Variants in RASAL3 observed in about 807,000 individuals in gnomAD.
The protein encoded by RASAL3 is RAS protein activator like 3, also known as RAS protein activator like-3.
A neutral mutation model predicts 105.5 loss-of-function variants in RASAL3; 74 were observed. The ratio of observed to expected loss-of-function variants is 0.70; its 90% confidence interval spans 0.58 to 0.85. RASAL3 has a LOEUF of 0.85. Ranked by LOEUF, RASAL3 falls within the 40% of genes least tolerant of loss-of-function variation. The probability of loss-of-function intolerance (pLI) is 0.00; values close to 1 mark genes in which losing one functional copy is unlikely to be tolerated. For missense variants in RASAL3, 1,352 were observed against 1,392.0 expected (o/e 0.97, Z 0.46); for synonymous variants, 579 against 591.6 (o/e 0.98, Z 0.31).
At position 15,454,244 on chromosome 19, in the gene RASAL3, T is replaced by C. The variant is rs61742032; in HGVS notation, c.2184A>G (p.Pro728=). 4,198 of 1,565,760 alleles carry C rather than the reference T, an allele frequency of 2.7e-3. 96 individuals carry two copies. The African/African-American group carries it at 0.048, about 18-fold the overall frequency. ...CAATGGCTCGCAGGATGGTGGGCAGTGGTTCCAGGGTGTCTCGGGTTGTCT... is the reference window on the plus strand; with the variant it reads ...CAATGGCTCGCAGGATGGTGGGCAGCGGTTCCAGGGTGTCTCGGGTTGTCT... ...LDQTTRDTLE[P]LPTILRAIEE... The change falls in exon 14 of 18, where the codon CCA becomes CCG. Residue 728 remains proline (P), a synonymous_variant. Transcript: ENST00000343625.
rs375290122 is a variant in RASAL3 at position 15,457,025 on chromosome 19, C to T, written c.1431+267G>A. The T allele has an allele frequency of 2.0e-4, 86 of 423,498 alleles. 2 individuals carry two copies. In the East Asian group the frequency reaches 2.6e-3, roughly 13 times the overall value. The allele number at this position is 423,498 out of a possible 1,614,324, so 26.2% of individuals were successfully genotyped here. ...CCCGCCCCTTACAGGTGCAGCTCAG[C>T]CCCAGCCCCTCACAGCTGACGCTCA... On this transcript the variant is annotated intron_variant, in intron 9 of 17. Transcript: ENST00000343625. This position sits in a 1 kb window ranked among gnomAD's most constrained non-coding sequence, Gnocchi z 8.6.
chr19:15,452,514 G>A (rs891862259), intron 16 of RASAL3, 144 bp downstream of exon 16: 4 of 744,616 alleles, frequency 5.4e-6, no homozygotes, highest in Non-Finnish European at 4.2e-6. Context: ...CCAAGAGGCA[G>A]GGCCTGGACA....
chr19:15,453,945 C>T lies in RASAL3; in HGVS notation c.2279+204G>A, dbSNP rs771823898. On this transcript the variant is annotated intron_variant, in intron 14 of 17. Coordinates refer to ENST00000343625, the MANE Select transcript of RASAL3 (RefSeq NM_022904.3). This position sits in a 1 kb window ranked among gnomAD's most constrained non-coding sequence, Gnocchi z 4.2. Reference sequence around the variant, plus strand: ...ATACTGTCCTCTCTATGACCCTTGACATCTCTCCACCCTAACCTCTCCTCT... The same window carrying T: ...ATACTGTCCTCTCTATGACCCTTGATATCTCTCCACCCTAACCTCTCCTCT... Among the ~76,000 whole-genome samples the T allele has an allele frequency of 2.6e-5, 4 of 152,142 alleles. No individual in the cohort carries two copies. Among genetic ancestry groups the T allele is most frequent in the Non-Finnish European group, 5.9e-5 (4 of 68,032 alleles).
chr19:15,456,839 A>C lies in RASAL3; in HGVS notation c.1432-193T>G. 1 of 695,616 alleles carries C rather than the reference A, an allele frequency of 1.4e-6. No homozygotes were observed. The highest frequency in any genetic ancestry group is 2.4e-6 in the Non-Finnish European group (1 of 424,990). 43.1% of individuals were successfully genotyped at this position (695,616 alleles called of 1,614,324 possible). A position where few individuals can be genotyped will look rare whatever the true frequency, so the allele number is the denominator to read the frequency against. ...CTCACAGCAGAAATTTAAGCCTTTC[A>C]GCGCTGAGGTGCAACCTGGGCCCCG... On this transcript the variant is annotated intron_variant, in intron 9 of 17. Transcript: ENST00000343625. This position sits in a 1 kb window ranked among gnomAD's most constrained non-coding sequence, Gnocchi z 4.4.
chr19:15,452,653 C>T lies in RASAL3; in HGVS notation c.2828+5G>A. The T allele has an allele frequency of 1.9e-6, 3 of 1,539,290 alleles. No individual in the cohort carries two copies. Among genetic ancestry groups the T allele is most frequent in the Non-Finnish European group, 2.6e-6 (3 of 1,141,096 alleles). ...GGCGGAGCTAATGGAGAGGGCTGGGCTCACCCAGCACGGAGCCTGGAGTCC... is the reference window on the plus strand; with the variant it reads ...GGCGGAGCTAATGGAGAGGGCTGGGTTCACCCAGCACGGAGCCTGGAGTCC... On this transcript the variant is annotated splice_donor_5th_base_variant and intron_variant, in intron 16 of 17. Coordinates refer to ENST00000343625, the MANE Select transcript of RASAL3 (RefSeq NM_022904.3).
In RASAL3 at chr19:15,458,541, G is replaced by A; in HGVS notation, c.777C>T (p.Pro259=). ...TGTCTACACTTACCTGAAAGCAGTG[G>A]GGCTCCCCCAGGAGGCTGGGGTGCA... is the stretch of plus-strand genomic sequence containing the variant. ...WPLHPSLLGE[P]HCFQVTWTGG... The change falls in exon 7 of 18, where the codon CCC becomes CCT. Residue 259 remains proline (P), a synonymous_variant. Coordinates refer to ENST00000343625, the MANE Select transcript of RASAL3 (RefSeq NM_022904.3). The A allele has an allele frequency of 6.2e-7, 1 of 1,613,834 alleles. No homozygotes were observed. The highest frequency in any genetic ancestry group is 8.5e-7 in the Non-Finnish European group (1 of 1,179,806).
In RASAL3 at chr19:15,464,363, G is replaced by GC; in HGVS notation, c.-6_-5insG. 7.5e-6 allele frequency: 2 copies of GC among 267,486 alleles called. No individual in the cohort carries two copies. Among genetic ancestry groups the GC allele is most frequent in the Non-Finnish European group, 1.0e-5 (2 of 194,512 alleles). 16.6% of individuals were successfully genotyped at this position (267,486 alleles called of 1,614,324 possible). A position where few individuals can be genotyped will look rare whatever the true frequency, so the allele number is the denominator to read the frequency against. On this transcript the variant is annotated 5_prime_UTR_variant, in exon 2 of 18. Transcript: ENST00000343625. ...GCTTGGCGACGGTGGGTCCATGGTT[G>GC]GGGGGGGGGGTCTCCTGGGGGACGA...
At chr19:15,463,142 G>A (rs978806211) in intron 2 of RASAL3, among the ~76,000 whole-genome samples, 3 of 149,646 alleles carry the variant, frequency 2.0e-5, no homozygotes, top group African/African-American at 7.4e-5. Flanking sequence ...CGGGAGTGCA[G>A]TAGTGCAATC....
chr19:15,457,663 G>A lies in RASAL3; in HGVS notation c.1060C>T (p.Arg354Cys), dbSNP rs1376327525. ...GGTGGCAGCGCCTCGAAGTGGAAGC[G>A]CTCGGCCCAGAAGAGCTGGCCTGGG... ...AGPGQLFWAE[R>C]FHFEALPPAR... The change falls in exon 9 of 18, where the codon CGC becomes TGC. Residue 354 changes from arginine to cysteine, a missense_variant. Around this residue, in one of 3 missense-constraint regions of RASAL3, gnomAD observed 920 missense variants for 919.6 expected, o/e 1.00. Coordinates refer to ENST00000343625, the MANE Select transcript of RASAL3 (RefSeq NM_022904.3). The surrounding 1 kb of genome is among the most constrained non-coding windows in gnomAD (Gnocchi z 8.6). 7.0e-7 allele frequency: 1 copy of A among 1,434,818 alleles called. No individual in the cohort carries two copies. Among genetic ancestry groups the A allele is most frequent in the Non-Finnish European group, 9.1e-7 (1 of 1,095,364 alleles). 88.9% of individuals were successfully genotyped at this position (1,434,818 alleles called of 1,614,324 possible). A position where few individuals can be genotyped will look rare whatever the true frequency, so the allele number is the denominator to read the frequency against.
rs1491536740 is a variant in RASAL3 at position 15,452,574 on chromosome 19, TTG to T, written c.2828+82_2828+83del. ...GGGGCTTGGCCGTGCTAGGCGTGGT[TTG>T]GGGGGGGGGGGGAGGGCCTGGTCAG... On this transcript the variant is annotated intron_variant, in intron 16 of 17. Transcript: ENST00000343625. The T allele has an allele frequency of 5.7e-5, 46 of 801,486 alleles. No homozygotes were observed. The Middle Eastern group carries it at 1.3e-3, about 22-fold the overall frequency. The allele number at this position is 801,486 out of a possible 1,614,324, so 49.6% of individuals were successfully genotyped here.
At position 15,454,841 on chromosome 19, in the gene RASAL3, T is replaced by TA; in HGVS notation, c.1773dup (p.Lys592Ter). 6.3e-7 allele frequency: 1 copy of TA among 1,582,170 alleles called. No individual in the cohort carries two copies. Among genetic ancestry groups the TA allele is most frequent in the South Asian group, 1.2e-5 (1 of 86,672 alleles). On this transcript the variant is annotated frameshift_variant, in exon 12 of 18. Transcript: ENST00000343625. LOFTEE classifies it high-confidence loss of function. ...CCCAGCACCTCAGAGCCACGTTCTTTACATGCTTCTCGCCAGCTTGAGAAC... is the reference window on the plus strand; with the variant it reads ...CCCAGCACCTCAGAGCCACGTTCTTTAACATGCTTCTCGCCAGCTTGAGAAC...
In RASAL3 at chr19:15,464,186, C is replaced by T; in HGVS notation, c.173G>A (p.Ser58Asn). Reference sequence around the variant, plus strand: ...TATCGAGCGAGGGGCTGGCTGGGTGCTGACCATGGGCTCCTGGTGGCTCAG... The same window carrying T: ...TATCGAGCGAGGGGCTGGCTGGGTGTTGACCATGGGCTCCTGGTGGCTCAG... ...RALSHQEPMV[S>N]TQPAPRSIFR... Residue 58 changes from serine to asparagine, a missense_variant, in exon 2 of 18, where the codon AGC becomes AAC. Around this residue, in one of 3 missense-constraint regions of RASAL3, gnomAD observed 344 missense variants for 339.6 expected, o/e 1.01. Transcript: ENST00000343625. 6.2e-7 allele frequency: 1 copy of T among 1,612,406 alleles called. No homozygotes were observed. The highest frequency in any genetic ancestry group is 8.5e-7 in the Non-Finnish European group (1 of 1,179,598).
chr19:15,462,728 G>A (rs1443054220), intron 2 of RASAL3, among the ~76,000 whole-genome samples: 2 of 152,140 alleles, frequency 1.3e-5, no homozygotes, highest in Admixed American at 6.5e-5. Context: ...TGAGGCGGGC[G>A]GATCATGAGG....
intron 2 of RASAL3, among the ~76,000 whole-genome samples, chr19:15,462,748 C>T (rs539451296): frequency 2.0e-4 from 31 of 152,068 alleles, no homozygotes; most frequent in Non-Finnish European, 2.9e-4. Context: ...GTCAGGAGAT[C>T]GAGACCATTC....
In RASAL3 at chr19:15,461,232, T is replaced by C. The variant is rs1970498569; in HGVS notation, c.530A>G (p.Asn177Ser). The change falls in exon 4 of 18, where the codon AAC becomes AGC. Residue 177 changes from asparagine (N) to serine (S), a missense_variant. This residue lies in a region of RASAL3 where 344 missense variants were observed against 339.6 expected (regional missense o/e 1.01). Transcript: ENST00000343625. The stretch of plus-strand genomic sequence containing the variant: ...CTCAAGCTTACCTGGATCCCTGAAG[T>C]TCCCCATGGCCACGTGGATGCTGCC... ...SEGSIHVAMGNFRDPDRMPGK... is the reference protein window; with the variant it reads ...SEGSIHVAMGSFRDPDRMPGK... The C allele has an allele frequency of 6.2e-7, 1 of 1,613,718 alleles. No individual in the cohort carries two copies. The highest frequency in any genetic ancestry group is 1.1e-5 in the South Asian group (1 of 91,082).
Position 15,464,179 on chromosome 19 carries a change from C to T in RASAL3, c.180G>A (p.Gln60=). The T allele has an allele frequency of 6.2e-7, 1 of 1,612,818 alleles. No individual in the cohort carries two copies. Among genetic ancestry groups the T allele is most frequent in the South Asian group, 1.1e-5 (1 of 90,986 alleles). ...GACGGAATATCGAGCGAGGGGCTGGCTGGGTGCTGACCATGGGCTCCTGGT... is the reference window on the plus strand; with the variant it reads ...GACGGAATATCGAGCGAGGGGCTGGTTGGGTGCTGACCATGGGCTCCTGGT... ...LSHQEPMVST[Q]PAPRSIFRRV... Residue 60 remains glutamine, a synonymous_variant, in exon 2 of 18, where the codon CAG becomes CAA. Transcript: ENST00000343625.
rs952308863 is a variant in RASAL3, at chr19:15,461,726, C to T, written c.329-119G>A. ...CCTAGGTGCCCCCCACCCCAGCAGCCGTATCAGACTGTATGACCTTGGGCA... is the reference window on the plus strand; with the variant it reads ...CCTAGGTGCCCCCCACCCCAGCAGCTGTATCAGACTGTATGACCTTGGGCA... On this transcript the variant is annotated intron_variant, in intron 2 of 17. Transcript: ENST00000343625. 185 of 1,368,630 alleles carry T rather than the reference C, an allele frequency of 1.4e-4. 2 individuals carry two copies. In the South Asian group the frequency reaches 2.9e-3, roughly 22 times the overall value. The allele number at this position is 1,368,630 out of a possible 1,614,324, so 84.8% of individuals were successfully genotyped here. A position where few individuals can be genotyped will look rare whatever the true frequency, so the allele number is the denominator to read the frequency against.
rs1290203403 is a variant in RASAL3, at chr19:15,453,441, G to A, written c.2336C>T (p.Thr779Ile). Reference sequence around the variant, plus strand: ...AGACTGGCTCTTGGAGATGAGAGGGGTGTGCTTGGGGAGGTCCCGGGGGGC... The same window carrying A: ...AGACTGGCTCTTGGAGATGAGAGGGATGTGCTTGGGGAGGTCCCGGGGGGC... Reference protein sequence around the residue: ...FLAPRDLPKHTPLISKSQSLR... With the variant: ...FLAPRDLPKHIPLISKSQSLR... Residue 779 changes from threonine (T) to isoleucine (I), a missense_variant, in exon 15 of 18, where the codon ACC becomes ATC. Thr to Ile is a moderately conservative substitution (Grantham distance 89). Transcript: ENST00000343625. The surrounding 1 kb of genome is among the most constrained non-coding windows in gnomAD (Gnocchi z 4.2). 2 of 1,540,922 alleles carry A rather than the reference G, an allele frequency of 1.3e-6. No individual in the cohort carries two copies. The highest frequency in any genetic ancestry group is 2.3e-5 in the Admixed American group (1 of 43,196).
intron 16 of RASAL3, 40 bp from the exon 17 acceptor site, chr19:15,452,148 A>G: frequency 6.2e-7 from 1 of 1,607,174 alleles, no homozygotes; most frequent in Non-Finnish European, 8.5e-7. Context: ...GCAGAGGCTA[A>G]GGAAGTCCCT....
Sources: allele counts gnomAD v4.1 joint callset (sites outside exome capture counted in the v4.1 genomes callset), GRCh38; gene constraint gnomAD v4.1.1; regional missense constraint gnomAD v4.1.1; non-coding constraint Gnocchi (gnomAD v3.1); transcripts MANE v1.5; gene names NCBI Gene and HGNC (gene_info 2026-07-23, HGNC 2026-07-21).